DNAAF9: variants seen among roughly 807,000 people sequenced by gnomAD.
The protein encoded by DNAAF9 is dynein axonemal assembly factor 9, also known as shulin.
Under a neutral mutation model 167.0 loss-of-function variants are expected in DNAAF9, and 90 were observed. The observed-to-expected ratio is 0.54, with a 90% CI of 0.45 to 0.64. DNAAF9 has a LOEUF of 0.64. Among genes scored for constraint, DNAAF9 ranks in the 30% least tolerant of loss-of-function variants. The pLI is 0.00. For synonymous variants in DNAAF9, 491 were observed against 508.8 expected, an observed-to-expected ratio of 0.96 and a Z score of 0.47; for missense variants, 1,315 against 1,442.2, an observed-to-expected ratio of 0.91 and a Z score of 1.43.
intron 20 of DNAAF9, chr20:3,306,762 C>T (rs1338083088): frequency 1.3e-5 from 3 of 233,130 alleles, no homozygotes; most frequent in Middle Eastern, 2.1e-3. Context: ...AGTGCTGCCC[C>T]GTAGCCTGTT....
intron 7 of DNAAF9, among the ~76,000 whole-genome samples, chr20:3,350,591 T>A (rs1479281682): frequency 4.6e-5 from 7 of 152,140 alleles, no homozygotes; most frequent in Non-Finnish European, 4.4e-5. Flanking sequence ...CAGATTGTGG[T>A]GCTGAAATAC....
rs1238710709 is a variant in DNAAF9 at position 3,290,385 on chromosome 20, GGT to G, written c.2239-170_2239-169del. Among the ~76,000 whole-genome samples the G allele has an allele frequency of 2.0e-5, 3 of 152,126 alleles. No homozygotes were observed. In the East Asian group the frequency reaches 5.8e-4, roughly 29 times the overall value. On this transcript the variant is annotated intron_variant, in intron 25 of 36. Coordinates refer to ENST00000252032, the MANE Select transcript of DNAAF9 (RefSeq NM_001009984.3). ...ATGACAGAACCTATATTGTAAAGTG[GGT>G]GTGAGGATTAACTGGGTTAACATAA...
chr20:3,321,812 G>C (rs1296180936), intron 16 of DNAAF9, among the ~76,000 whole-genome samples: 1 of 152,096 alleles, frequency 6.6e-6, no homozygotes, highest in Non-Finnish European at 1.5e-5. Flanking sequence ...TTCCTGTTAA[G>C]GACATCAATG....
rs370452408 is a variant in DNAAF9, at chr20:3,290,237, T to A, written c.2239-20A>T. On this transcript the variant is annotated intron_variant, in intron 25 of 36. Transcript: ENST00000252032. ...AATTACCTACATGAAGAAAAAGTCA[T>A]GGGTTTGCAATTCAACTGCATTGCA... The A allele has an allele frequency of 4.0e-6, 6 of 1,511,398 alleles. No homozygotes were observed. Among genetic ancestry groups the A allele is most frequent in the Non-Finnish European group, 5.5e-6 (6 of 1,086,458 alleles). 93.6% of individuals were successfully genotyped at this position (1,511,398 alleles called of 1,614,324 possible). A position where few individuals can be genotyped will look rare whatever the true frequency, so the allele number is the denominator to read the frequency against.
intron 1 of DNAAF9, among the ~76,000 whole-genome samples, chr20:3,382,747 C>T (rs368180004): frequency 2.6e-4 from 40 of 152,220 alleles, no homozygotes; most frequent in Middle Eastern, 6.8e-3. Flanking sequence ...CTGCTGATTA[C>T]GAACTCCTCA....
chr20:3,303,873 GA>G (rs1273911287), intron 21 of DNAAF9, among the ~76,000 whole-genome samples: 3 of 152,238 alleles, frequency 2.0e-5, no homozygotes, highest in Non-Finnish European at 2.9e-5. Context: ...GCAGACTGGT[GA>G]ACTTAGAGGA....
intron 1 of DNAAF9, among the ~76,000 whole-genome samples, chr20:3,394,949 CTTTTTTTTTT>C (rs10522445): frequency 2.3e-4 from 23 of 102,128 alleles, no homozygotes; most frequent in African/African-American, 4.1e-4. Flanking sequence ...TTTCTTTTTT[CTTTTTTTTTT>C]TTTTTTTTTT....
intron 29 of DNAAF9, among the ~76,000 whole-genome samples, chr20:3,275,352 A>G (rs928839087): frequency 3.3e-5 from 5 of 152,250 alleles, no homozygotes; most frequent in Admixed American, 6.5e-5. Context: ...AAAAGAAACC[A>G]AAGTGTCAGA....
intron 6 of DNAAF9, among the ~76,000 whole-genome samples, chr20:3,367,874 G>C (rs566719991): frequency 1.5e-4 from 23 of 149,426 alleles, no homozygotes; most frequent in East Asian, 2.0e-4. Flanking sequence ...GAGCCAACAG[G>C]CTTGCTGGAT....
Position 3,252,283 on chromosome 20 carries a change from T to C in DNAAF9, c.*289A>G. On this transcript the variant is annotated 3_prime_UTR_variant, in exon 37 of 37. Coordinates refer to ENST00000252032, the MANE Select transcript of DNAAF9 (RefSeq NM_001009984.3). ...AACCTCAAGAGCCCAAAGGAGATCC[T>C]GTTATCAGAAACCCAGAGCTCCTGG... The C allele has an allele frequency of 3.4e-6, 1 of 291,232 alleles. No individual in the cohort carries two copies. Among genetic ancestry groups the C allele is most frequent in the Non-Finnish European group, 6.5e-6 (1 of 152,922 alleles). The allele number at this position is 291,232 out of a possible 1,614,324, so 18.0% of individuals were successfully genotyped here.
At position 3,252,614 on chromosome 20, in the gene DNAAF9, C is replaced by T. The variant is rs372800030; in HGVS notation, c.3492G>A (p.Leu1164=). ...AGAGGTCATGATACTCCTGCTGTTC[C>T]AGCTCCTGGTTATACTTCTCAATTT... ...NREIEKYNQE[L]EQQEYHDLFE... The change falls in exon 37 of 37, where the codon CTG becomes CTA. Residue 1164 remains leucine, a synonymous_variant. Coordinates refer to ENST00000252032, the MANE Select transcript of DNAAF9 (RefSeq NM_001009984.3). 227 of 1,613,022 alleles carry T rather than the reference C, an allele frequency of 1.4e-4. No homozygotes were observed. The highest frequency in any genetic ancestry group is 1.3e-3 in the South Asian group (114 of 91,066).
Position 3,340,639 on chromosome 20 carries a change from G to A in DNAAF9, c.846C>T (p.Ser282=). ...AGAGAACAAATGGCTGCCGGTTAGG[G>A]CTAGAGAGGGAAGTCAAAAACATGT... ...GMISSHITEN[S]PNRQPFVLFG... is the part of the protein sequence containing the mutation. Residue 282 remains serine (S), a splice_region_variant and synonymous_variant, in exon 10 of 37, where the codon AGC becomes AGT. Coordinates refer to ENST00000252032, the MANE Select transcript of DNAAF9 (RefSeq NM_001009984.3). The A allele has an allele frequency of 6.2e-7, 1 of 1,613,876 alleles. No individual in the cohort carries two copies. The highest frequency in any genetic ancestry group is 8.5e-7 in the Non-Finnish European group (1 of 1,179,812).
chr20:3,348,401 A>G (rs572258544), intron 8 of DNAAF9, 124 bp downstream of exon 8: 1 of 526,098 alleles, frequency 1.9e-6, no homozygotes, highest in East Asian at 3.0e-5. Flanking sequence ...GGTATACAAC[A>G]CAGCTTAAAG....
chr20:3,330,245 T>G (rs1205632224), intron 12 of DNAAF9, among the ~76,000 whole-genome samples: 3 of 151,990 alleles, frequency 2.0e-5, no homozygotes, highest in Non-Finnish European at 2.9e-5. Flanking sequence ...ACCAGATGTC[T>G]TCTTCTTCTT....
intron 14 of DNAAF9, among the ~76,000 whole-genome samples, chr20:3,324,318 T>C (rs930146732): frequency 6.6e-6 from 1 of 152,162 alleles, no homozygotes; most frequent in African/African-American, 2.4e-5. Flanking sequence ...TTGTATCCTT[T>C]GTATAAAAGT....
intron 21 of DNAAF9, among the ~76,000 whole-genome samples, chr20:3,302,099 C>T (rs536455848): frequency 1.1e-4 from 16 of 151,964 alleles, no homozygotes; most frequent in South Asian, 2.1e-4. Context: ...TGCACCACCA[C>T]GCCCAGTTAA....
chr20:3,293,121 G>A (rs955184937), intron 25 of DNAAF9, among the ~76,000 whole-genome samples: 3 of 150,154 alleles, frequency 2.0e-5, no homozygotes, highest in African/African-American at 7.4e-5. Flanking sequence ...GTGAAACCCC[G>A]TCTCTACTAA....
chr20:3,350,136 CACAG>C (rs1180816916), intron 7 of DNAAF9, among the ~76,000 whole-genome samples: 50 of 138,768 alleles, frequency 3.6e-4, no homozygotes, highest in African/African-American at 1.3e-3. Context: ...CACACAGACA[CACAG>C]ACACACAGAC....
intron 20 of DNAAF9, chr20:3,307,235 T>C: frequency 1.3e-6 from 1 of 775,954 alleles, no homozygotes; most frequent in Non-Finnish European, 1.6e-6. Flanking sequence ...AAGACAGTGC[T>C]GGAAGAGCTC....
Sources: allele counts gnomAD v4.1 joint callset (sites outside exome capture counted in the v4.1 genomes callset), GRCh38; gene constraint gnomAD v4.1.1; transcripts MANE v1.5; gene names NCBI Gene and HGNC (gene_info 2026-07-23, HGNC 2026-07-21).